The following TENM4 variants were observed in gnomAD, a reference collection of about 807,000 sequenced individuals.
TENM4 encodes the protein teneurin-4.
In TENM4, 82 loss-of-function variants were observed where a neutral mutation model predicts 243.3. That is an observed-to-expected ratio of 0.34 (90% CI 0.28 to 0.40). The LOEUF is 0.40. Among genes scored for constraint, TENM4 ranks in the 10% least tolerant of loss-of-function variants. The probability of loss-of-function intolerance (pLI) is 1.00; values close to 1 mark genes in which losing one functional copy is unlikely to be tolerated. For synonymous variants in TENM4, 1,412 were observed against 1,456.3 expected (o/e 0.97, Z 0.69); for missense variants, 3,138 against 3,673.3 (o/e 0.85, Z 3.77).
chr11:79,370,278 A>G (rs2135507410), intron 1 of TENM4, among the ~76,000 whole-genome samples: 1 of 152,294 alleles, frequency 6.6e-6, no homozygotes, highest in Non-Finnish European at 1.5e-5. Context: ...ATGACAGCAC[A>G]GGCTGTCACC....
At chr11:79,339,532 T>G (rs1311044469) in intron 1 of TENM4, among the ~76,000 whole-genome samples, 1 of 152,130 alleles carries the variant, frequency 6.6e-6, no homozygotes, top group Non-Finnish European at 1.5e-5. Context: ...CATATCCCTC[T>G]CTCCCTACTA....
In TENM4 at chr11:79,371,447, T is replaced by G. The variant is rs528220213; in HGVS notation, c.-321+69062A>C. On this transcript the variant is annotated intron_variant, in intron 1 of 33. Coordinates refer to ENST00000278550, the MANE Select transcript of TENM4 (RefSeq NM_001098816.3). The stretch of plus-strand genomic sequence containing the variant: ...GAAAAAAAAATCACCTCTACCAGTT[T>G]GGGATATGGGCCAAGACAAGATCCT... Among the ~76,000 whole-genome samples the G allele has an allele frequency of 4.1e-4, 62 of 152,298 alleles. No individual in the cohort carries two copies. The South Asian group carries it at 0.012, about 31-fold the overall frequency.
intron 19 of TENM4, among the ~76,000 whole-genome samples, chr11:78,746,584 G>A (rs1856056245): frequency 6.6e-6 from 1 of 152,210 alleles, no homozygotes; most frequent in Non-Finnish European, 1.5e-5. Context: ...CCCTTGACTT[G>A]TCCACCATAC....
intron 4 of TENM4, among the ~76,000 whole-genome samples, chr11:79,086,528 G>A (rs1381016197): frequency 1.3e-5 from 2 of 152,188 alleles, no homozygotes; most frequent in Non-Finnish European, 1.5e-5. Flanking sequence ...GATCATTAAG[G>A]TATTTTAAAA....
chr11:79,018,840 G>T (rs1194263846), intron 6 of TENM4, among the ~76,000 whole-genome samples: 2 of 152,202 alleles, frequency 1.3e-5, no homozygotes, highest in Non-Finnish European at 2.9e-5. Flanking sequence ...GATAGGGCTG[G>T]CAAAGATTAT....
At chr11:78,725,801 G>C (rs1231802774) in intron 23 of TENM4, among the ~76,000 whole-genome samples, 1 of 152,200 alleles carries the variant, frequency 6.6e-6, no homozygotes, top group Non-Finnish European at 1.5e-5. Flanking sequence ...GCCTCCCTCT[G>C]TGATGTCAGG....
chr11:78,927,547 C>T (rs1020132601), intron 6 of TENM4, among the ~76,000 whole-genome samples: 1 of 152,132 alleles, frequency 6.6e-6, no homozygotes, highest in Non-Finnish European at 1.5e-5. Context: ...AGAGGCTTTT[C>T]TTATAGAAGA....
chr11:79,151,331 T>G (rs1227721760), intron 3 of TENM4, among the ~76,000 whole-genome samples: 1 of 152,212 alleles, frequency 6.6e-6, no homozygotes, highest in African/African-American at 2.4e-5. Flanking sequence ...CATCTGACCA[T>G]GCATCCATCT....
At chr11:78,755,367 C>T (rs1323496259) in intron 19 of TENM4, among the ~76,000 whole-genome samples, 1 of 152,044 alleles carries the variant, frequency 6.6e-6, no homozygotes. Flanking sequence ...TGGGGTTTTG[C>T]CATGTTGACC....
rs925164393 is a variant in TENM4, at chr11:78,903,160, C to T, written c.749+108G>A. 5 of 1,381,740 alleles carry T rather than the reference C, an allele frequency of 3.6e-6. No homozygotes were observed. In the African/African-American group the frequency reaches 7.7e-5, roughly 21 times the overall value. 85.6% of individuals were successfully genotyped at this position (1,381,740 alleles called of 1,614,324 possible). A position where few individuals can be genotyped will look rare whatever the true frequency, so the allele number is the denominator to read the frequency against. The stretch of plus-strand genomic sequence containing the variant: ...AACCGTGCACCCAACCCCAGCTCCT[C>T]CGGCCGGCGTTATCTGGGGACACTG... On this transcript the variant is annotated intron_variant, in intron 7 of 33. Coordinates refer to ENST00000278550, the MANE Select transcript of TENM4 (RefSeq NM_001098816.3).
At chr11:79,091,485 A>C (rs1050277719) in intron 4 of TENM4, among the ~76,000 whole-genome samples, 1 of 152,150 alleles carries the variant, frequency 6.6e-6, no homozygotes, top group African/African-American at 2.4e-5. Flanking sequence ...TCTTCAGCGT[A>C]ATTTTTCTAA....
At chr11:78,886,365 G>A (rs1305107504) in intron 9 of TENM4, among the ~76,000 whole-genome samples, 1 of 152,188 alleles carries the variant, frequency 6.6e-6, no homozygotes, top group Admixed American at 6.5e-5. Flanking sequence ...TTCCTTCCAA[G>A]TTAGTCGTCA....
chr11:79,363,865 A>G (rs1857631509), intron 1 of TENM4, among the ~76,000 whole-genome samples: 1 of 152,350 alleles, frequency 6.6e-6, no homozygotes, highest in Non-Finnish European at 1.5e-5. Flanking sequence ...TGCTACTTAG[A>G]AGCACTTTGG....
chr11:78,962,365 A>T (rs1340688467), intron 6 of TENM4: 3 of 151,974 alleles, frequency 2.0e-5, no homozygotes, highest in Non-Finnish European at 2.9e-5. Context: ...TGCGAACCAC[A>T]AAGACAAACA....
chr11:78,683,744 C>T (rs1197405488), intron 29 of TENM4, among the ~76,000 whole-genome samples: 2 of 151,864 alleles, frequency 1.3e-5, no homozygotes, highest in African/African-American at 4.8e-5. Flanking sequence ...TCTTCTGCGT[C>T]GCTCACGCTG....
chr11:78,982,133 T>C (rs929779463), intron 6 of TENM4, among the ~76,000 whole-genome samples: 6 of 152,036 alleles, frequency 3.9e-5, no homozygotes, highest in African/African-American at 1.5e-4. Flanking sequence ...AGGGAGAGGG[T>C]GGCATCCTCA....
chr11:78,925,289 T>C (rs574392540), intron 6 of TENM4, among the ~76,000 whole-genome samples: 34 of 151,696 alleles, frequency 2.2e-4, no homozygotes, highest in Non-Finnish European at 3.7e-4. Flanking sequence ...TCCATCAGCA[T>C]TTTAGCTATT....
intron 12 of TENM4, among the ~76,000 whole-genome samples, chr11:78,836,286 G>T (rs955547054): frequency 2.0e-5 from 3 of 152,174 alleles, no homozygotes; most frequent in Non-Finnish European, 4.4e-5. Context: ...GGAGGCGGAG[G>T]TTGCAGTCAG....
At chr11:78,911,746 T>A (rs1309355065) in intron 6 of TENM4, among the ~76,000 whole-genome samples, 1 of 152,172 alleles carries the variant, frequency 6.6e-6, no homozygotes, top group Admixed American at 6.5e-5. Context: ...AGTTATGACA[T>A]GCTAAGAAGG....
Sources: gnomAD v4.1 joint callset for allele counts (sites outside exome capture counted in the v4.1 genomes callset) on GRCh38, gnomAD v4.1.1 for gene constraint, MANE v1.5 for transcripts, NCBI Gene and HGNC (gene_info 2026-07-23, HGNC 2026-07-21) for gene names.